Variants in IGFBP3 observed in about 807,000 individuals in gnomAD.
The protein encoded by IGFBP3 is insulin-like growth factor-binding protein 3.
IGFBP3 carries 9 observed loss-of-function variants against 28.6 expected under a neutral mutation model. The observed-to-expected ratio is 0.31, with a 90% CI of 0.19 to 0.55. The LOEUF (loss-of-function observed/expected upper bound fraction) is 0.55, where lower values mean the gene tolerates loss of function less well. Among genes scored for constraint, IGFBP3 ranks in the 20% least tolerant of loss-of-function variants. IGFBP3 has a pLI of 0.93. For missense variants in IGFBP3, 382 were observed against 428.9 expected, an observed-to-expected ratio of 0.89 and a Z score of 0.97; for synonymous variants, 185 against 188.2, an observed-to-expected ratio of 0.98 and a Z score of 0.14.
In IGFBP3 at chr7:45,916,537, A is replaced by T. The variant is rs1457341323; in HGVS notation, c.750+11T>A. 6 of 1,607,972 alleles carry T rather than the reference A, an allele frequency of 3.7e-6. No homozygotes were observed. The highest frequency in any genetic ancestry group is 5.1e-6 in the Non-Finnish European group (6 of 1,175,260). On this transcript the variant is annotated intron_variant, in intron 3 of 4. Coordinates refer to ENST00000613132, the MANE Select transcript of IGFBP3 (RefSeq NM_000598.5). ...AGAAGAGGAAGAAAACACACTGAGG[A>T]CCTCACTCACCTGCTTTTTCTTATA... is the stretch of plus-strand genomic sequence containing the variant.
rs1298543640 is a variant in IGFBP3 at position 45,917,389 on chromosome 7, G to A, written c.454C>T (p.Pro152Ser). Residue 152 changes from proline (P) to serine (S), a missense_variant, in exon 2 of 5, where the codon CCG becomes TCG. By Grantham distance (74) the Pro-to-Ser change is moderately conservative. Transcript: ENST00000613132. ...ACCCGGTGCGTGCTGGAGACGGACG[G>A]GCTCTCCACACTGCCGGCGCTGCGG... ...EDRSAGSVES[P>S]SVSSTHRVSD... is the part of the protein sequence containing the mutation. 1.2e-6 allele frequency: 2 copies of A among 1,613,896 alleles called. No homozygotes were observed. Among genetic ancestry groups the A allele is most frequent in the East Asian group, 2.2e-5 (1 of 44,856 alleles).
In IGFBP3 at chr7:45,914,246, T is replaced by A. The variant is rs151099186; in HGVS notation, c.*16-412A>T. Reference sequence around the variant, plus strand: ...TAAAATTATCGTTTAAAATTTCATTTTTCTATCAGATTTAAATTAACTTTA... The same window carrying A: ...TAAAATTATCGTTTAAAATTTCATTATTCTATCAGATTTAAATTAACTTTA... On this transcript the variant is annotated intron_variant, in intron 4 of 4. Coordinates refer to ENST00000613132, the MANE Select transcript of IGFBP3 (RefSeq NM_000598.5). 277 of 152,332 alleles carry A rather than the reference T, an allele frequency of 1.8e-3. 1 individual carries two copies. The highest frequency in any genetic ancestry group is 6.1e-3 in the African/African-American group (255 of 41,578). The allele number at this position is 152,332 out of a possible 1,614,324, so 9.4% of individuals were successfully genotyped here. A position where few individuals can be genotyped will look rare whatever the true frequency, so the allele number is the denominator to read the frequency against.
At chr7:45,916,313 A>C (rs941025166) in intron 3 of IGFBP3, among the ~76,000 whole-genome samples, 7 of 152,154 alleles carry the variant, frequency 4.6e-5, no homozygotes, top group Non-Finnish European at 1.0e-4. Flanking sequence ...AGGAGTGGGA[A>C]GCGGGTGGTG....
At chr7:45,915,776 C>T (rs188249915) in intron 3 of IGFBP3, among the ~76,000 whole-genome samples, 8 of 152,222 alleles carry the variant, frequency 5.3e-5, no homozygotes, top group African/African-American at 1.9e-4. Context: ...ACTCTCATGC[C>T]TTCTTCTCAC....
At chr7:45,918,733 C>T (rs1436981742) in intron 1 of IGFBP3, among the ~76,000 whole-genome samples, 2 of 152,204 alleles carry the variant, frequency 1.3e-5, no homozygotes. Flanking sequence ...TCTGCTCTCC[C>T]CTGGAAGTGG....
chr7:45,915,499 G>A (rs1381846912), intron 3 of IGFBP3, among the ~76,000 whole-genome samples: 2 of 152,222 alleles, frequency 1.3e-5, no homozygotes, highest in African/African-American at 4.8e-5. Context: ...GGCCAATTCT[G>A]TAGATAGCAT....
chr7:45,917,863 C>A (rs1300697588), intron 1 of IGFBP3, among the ~76,000 whole-genome samples: 1 of 152,172 alleles, frequency 6.6e-6, no homozygotes, highest in Non-Finnish European at 1.5e-5. Context: ...CAGCGGCAGC[C>A]CGGGGACTTG....
chr7:45,916,710 A>G, intron 2 of IGFBP3, 43 bp from the exon 3 acceptor site: 1 of 1,586,160 alleles, frequency 6.3e-7, no homozygotes, highest in Non-Finnish European at 8.6e-7. Context: ...CACAGTTTTT[A>G]CTCTAGAATG....
intron 1 of IGFBP3, among the ~76,000 whole-genome samples, chr7:45,918,001 T>C (rs1462854455): frequency 1.3e-5 from 2 of 152,246 alleles, no homozygotes; most frequent in Non-Finnish European, 2.9e-5. Flanking sequence ...AACACGCTTA[T>C]AAGAGCTTGG....
intron 1 of IGFBP3, among the ~76,000 whole-genome samples, chr7:45,918,496 G>C (rs1271024707): frequency 6.6e-6 from 1 of 152,230 alleles, no homozygotes; most frequent in African/African-American, 2.4e-5. Flanking sequence ...CTGTAAGACC[G>C]CTATGGGGAT....
At chr7:45,915,623 C>T (rs1351837864) in intron 3 of IGFBP3, among the ~76,000 whole-genome samples, 2 of 138,148 alleles carry the variant, frequency 1.4e-5, no homozygotes, top group African/African-American at 5.5e-5. Flanking sequence ...TTTGTTTGAT[C>T]ATTTTCAGGT....
chr7:45,916,541 C>A lies in IGFBP3; in HGVS notation c.750+7G>T. 6.2e-7 allele frequency: 1 copy of A among 1,609,536 alleles called. No homozygotes were observed. The highest frequency in any genetic ancestry group is 1.1e-5 in the South Asian group (1 of 90,898). ...GAGGAAGAAAACACACTGAGGACCT[C>A]ACTCACCTGCTTTTTCTTATAAAAT... On this transcript the variant is annotated splice_region_variant and intron_variant, in intron 3 of 4. Coordinates refer to ENST00000613132, the MANE Select transcript of IGFBP3 (RefSeq NM_000598.5).
chr7:45,915,073 C>G, intron 3 of IGFBP3, 128 bp from the exon 4 acceptor site: 1 of 1,161,086 alleles, frequency 8.6e-7, no homozygotes. Context: ...GAAATTTCAG[C>G]TAAGGCAACA....
At position 45,914,792 on chromosome 7, in the gene IGFBP3, C is replaced by T. The variant is rs778723410; in HGVS notation, c.*15+13G>A. 1 of 1,612,800 alleles carries T rather than the reference C, an allele frequency of 6.2e-7. No homozygotes were observed. The highest frequency in any genetic ancestry group is 1.1e-5 in the South Asian group (1 of 90,960). ...GGCCCTGGAGCCCCAGGCTGCCCCT[C>T]CTGAGTACTCACCCTTGCGGCAGGC... On this transcript the variant is annotated intron_variant, in intron 4 of 4. Coordinates refer to ENST00000613132, the MANE Select transcript of IGFBP3 (RefSeq NM_000598.5).
chr7:45,920,776 C>T lies in IGFBP3; in HGVS notation c.365G>A (p.Arg122His). The T allele has an allele frequency of 2.8e-6, 4 of 1,421,318 alleles. No individual in the cohort carries two copies. The highest frequency in any genetic ancestry group is 1.8e-6 in the Non-Finnish European group (2 of 1,096,294). 88.0% of individuals were successfully genotyped at this position (1,421,318 alleles called of 1,614,324 possible). ...GLCVNASAVS[R>H]LRAYLLPAPP... ...CGCTGGCAGCAGGTAGGCGCGCAGG[C>T]GGCTGACGGCACTAGCGTTGACGCA... Residue 122 changes from arginine to histidine, a missense_variant, in exon 1 of 5, where the codon CGC becomes CAC. Transcript: ENST00000613132.
At chr7:45,920,005 A>G (rs1267564112) in intron 1 of IGFBP3, 4 of 149,998 alleles carry the variant, frequency 2.7e-5, no homozygotes, top group African/African-American at 9.9e-5. Flanking sequence ...CTTAGTCCAC[A>G]TTGCCCGCAC....
intron 3 of IGFBP3, chr7:45,915,179 T>G: frequency 2.1e-6 from 1 of 487,090 alleles, no homozygotes; most frequent in South Asian, 2.1e-5. Flanking sequence ...GGGGCAGTTT[T>G]GTGTTTCTAG....
intron 2 of IGFBP3, 190 bp downstream of exon 2, chr7:45,917,023 A>C: frequency 1.7e-6 from 1 of 600,972 alleles, no homozygotes; most frequent in Middle Eastern, 4.5e-4. Context: ...TGATCCTCAT[A>C]AGATTCTCCA....
Position 45,913,301 on chromosome 7 carries a change from C to T in IGFBP3, c.*549G>A, listed in dbSNP as rs1784567897. On this transcript the variant is annotated 3_prime_UTR_variant, in exon 5 of 5. Transcript: ENST00000613132. ...CCAAGCAGTACAGGTCACTTGAAGA[C>T]ATAAACATTCTTCTTGGTTGAGGGA... 2 of 152,198 alleles carry T rather than the reference C, an allele frequency of 1.3e-5. No individual in the cohort carries two copies. The highest frequency in any genetic ancestry group is 2.9e-5 in the Non-Finnish European group (2 of 68,058). 9.4% of individuals were successfully genotyped at this position (152,198 alleles called of 1,614,324 possible).
Sources: gnomAD v4.1 joint callset for allele counts (sites outside exome capture counted in the v4.1 genomes callset) on GRCh38, gnomAD v4.1.1 for gene constraint, MANE v1.5 for transcripts, NCBI Gene and HGNC (gene_info 2026-07-23, HGNC 2026-07-21) for gene names.